SULF2: variants seen among roughly 807,000 people sequenced by gnomAD.
The protein encoded by SULF2 is extracellular sulfatase Sulf-2.
Under a neutral mutation model 107.7 loss-of-function variants are expected in SULF2, and 52 were observed. The observed-to-expected ratio is 0.48, with a 90% CI of 0.39 to 0.61. The LOEUF is 0.61. Ranked by LOEUF, SULF2 falls within the 20% of genes least tolerant of loss-of-function variation. SULF2 has a pLI of 0.00. For missense variants in SULF2, 993 were observed against 1,177.3 expected (o/e 0.84, Z 2.29); for synonymous variants, 460 against 464.3 (o/e 0.99, Z 0.12).
intron 1 of SULF2, among the ~76,000 whole-genome samples, chr20:47,776,702 G>A (rs1360488042): frequency 6.6e-6 from 1 of 152,174 alleles, no homozygotes; most frequent in Admixed American, 6.5e-5. Context: ...GAAGTGGAGG[G>A]TTCCACCAGC....
At chr20:47,688,615 G>C (rs1467559994) in intron 5 of SULF2, among the ~76,000 whole-genome samples, 1 of 152,172 alleles carries the variant, frequency 6.6e-6, no homozygotes, top group East Asian at 1.9e-4. Context: ...GGTAGGGCGG[G>C]GTGCCGGCTG....
chr20:47,735,843 C>T lies in SULF2; in HGVS notation c.415+860G>A, dbSNP rs548372889. Among the ~76,000 whole-genome samples, 6 of 152,220 alleles carry T rather than the reference C, an allele frequency of 3.9e-5. No individual in the cohort carries two copies. In the South Asian group the frequency reaches 8.3e-4, roughly 21 times the overall value. On this transcript the variant is annotated intron_variant, in intron 3 of 20. Transcript: ENST00000688720. ...CTCGAGGGCTGCAGGTCCAGCACTG[C>T]GGACAGGGCTGGAGGAGGAGTCCAT... is the stretch of plus-strand genomic sequence containing the variant.
chr20:47,726,517 T>C (rs4810669), intron 3 of SULF2, among the ~76,000 whole-genome samples: 14,877 of 152,292 alleles, frequency 0.098, 819 homozygotes, highest in South Asian at 0.12. Flanking sequence ...TCTATTCTCC[T>C]GCTGTCCAAG....
At chr20:47,663,774 C>T in intron 15 of SULF2, 152 bp from the exon 16 acceptor site, 1 of 924,170 alleles carries the variant, frequency 1.1e-6, no homozygotes, top group Non-Finnish European at 1.6e-6. Context: ...CCCAGTGCTG[C>T]TCCAAGGCAG....
intron 3 of SULF2, among the ~76,000 whole-genome samples, chr20:47,712,199 G>A (rs2088956071): frequency 6.6e-6 from 1 of 152,216 alleles, no homozygotes; most frequent in Non-Finnish European, 1.5e-5. Context: ...AATGGCCAGA[G>A]GGCCCTTCTG....
In SULF2 at chr20:47,666,091, T is replaced by C. The variant is rs1486184540; in HGVS notation, c.1806-138A>G. On this transcript the variant is annotated intron_variant, in intron 12 of 20. Transcript: ENST00000688720. The surrounding 1 kb of genome is among the most constrained non-coding windows in gnomAD (Gnocchi z 5.4). ...CGACTTCCACCTGGACACTCACCGATGTGTCACTTTAATGGGGTTGGCGGC... is the reference window on the plus strand; with the variant it reads ...CGACTTCCACCTGGACACTCACCGACGTGTCACTTTAATGGGGTTGGCGGC... 3.1e-6 allele frequency: 5 copies of C among 1,605,468 alleles called. No individual in the cohort carries two copies. The highest frequency in any genetic ancestry group is 3.4e-6 in the Non-Finnish European group (4 of 1,172,884).
rs73312170 is a variant in SULF2 at position 47,663,732 on chromosome 20, A to C, written c.2058-110T>G. On this transcript the variant is annotated intron_variant, in intron 15 of 20. Coordinates refer to ENST00000688720, the MANE Select transcript of SULF2 (RefSeq NM_001387048.1). ...CTTCGCTGAGGCTTCTCCAACAGAG[A>C]GCCATGGGCATAGCAATTCAGGGTC... is the stretch of plus-strand genomic sequence containing the variant. 4.6e-3 allele frequency: 5,858 copies of C among 1,266,846 alleles called. 221 individuals are homozygous for C. The African/African-American group carries it at 0.077, about 17-fold the overall frequency. The allele number at this position is 1,266,846 out of a possible 1,614,324, so 78.5% of individuals were successfully genotyped here.
At chr20:47,676,387 G>A (rs1005061000) in intron 10 of SULF2, 107 bp downstream of exon 10, 6 of 1,306,372 alleles carry the variant, frequency 4.6e-6, no homozygotes, top group East Asian at 2.4e-5. Flanking sequence ...AGGACTACCC[G>A]TTGGGAGGCC....
At chr20:47,779,198 C>T (rs899224846) in intron 1 of SULF2, among the ~76,000 whole-genome samples, 2 of 152,176 alleles carry the variant, frequency 1.3e-5, no homozygotes, top group East Asian at 1.9e-4. Flanking sequence ...GGGGTCATCC[C>T]GTACATTGCA....
At chr20:47,777,538 A>G (rs1484033461) in intron 1 of SULF2, among the ~76,000 whole-genome samples, 1 of 151,792 alleles carries the variant, frequency 6.6e-6, no homozygotes, top group East Asian at 1.9e-4. Context: ...CAGCGCCTGG[A>G]CTCCCCTGCT....
At position 47,665,239 on chromosome 20, in the gene SULF2, T is replaced by C; in HGVS notation, c.1957A>G (p.Lys653Glu). 2 of 1,614,142 alleles carry C rather than the reference T, an allele frequency of 1.2e-6. No homozygotes were observed. The highest frequency in any genetic ancestry group is 1.7e-6 in the Non-Finnish European group (2 of 1,179,976). The change falls in exon 14 of 21, where the codon AAG becomes GAG. Residue 653 changes from lysine (K) to glutamate (E), a missense_variant. This residue lies in a region of SULF2 where 497 missense variants were observed against 544.1 expected (regional missense o/e 0.91). Coordinates refer to ENST00000688720, the MANE Select transcript of SULF2 (RefSeq NM_001387048.1). The stretch of plus-strand genomic sequence containing the variant: ...TCACATTCTTCTGGCCGCTTTTTCT[T>C]CAGGTGACCTCGGACTTCCCTCAGG... Reference protein sequence around the residue: ...KNLREVRGHLKKKRPEECDCH... With the variant: ...KNLREVRGHLEKKRPEECDCH...
chr20:47,708,342 G>A (rs2088815779), intron 3 of SULF2, among the ~76,000 whole-genome samples: 1 of 152,162 alleles, frequency 6.6e-6, no homozygotes, highest in African/African-American at 2.4e-5. Context: ...GTACAAACGT[G>A]GGGGCATCGC....
chr20:47,711,646 T>C (rs897380636), intron 3 of SULF2, among the ~76,000 whole-genome samples: 24 of 152,090 alleles, frequency 1.6e-4, no homozygotes, highest in Non-Finnish European at 3.1e-4. Flanking sequence ...TCTCTAAGAG[T>C]CCAAATGTTC....
At chr20:47,760,485 C>A (rs374509791) in intron 1 of SULF2, among the ~76,000 whole-genome samples, 5 of 152,276 alleles carry the variant, frequency 3.3e-5, no homozygotes, top group East Asian at 3.9e-4. Context: ...CATCAAGTCT[C>A]GGGAAAGTAA....
chr20:47,736,923 G>C lies in SULF2; in HGVS notation c.195C>G (p.Asn65Lys), dbSNP rs2089747338. The change falls in exon 3 of 21, where the codon AAC (asparagine) becomes AAG (lysine). Residue 65 changes from asparagine to lysine, a missense_variant. Transcript: ENST00000688720. ...DVELGSMQVM[N>K]KTRRIMEQGG... ...CCTGCTCCATGATGCGCCGGGTCTT[G>C]TTCATCACCTGCATGGAACCTGCAA... 1 of 1,614,094 alleles carries C rather than the reference G, an allele frequency of 6.2e-7. No homozygotes were observed. Among genetic ancestry groups the C allele is most frequent in the African/African-American group, 1.3e-5 (1 of 74,948 alleles).
At position 47,672,274 on chromosome 20, in the gene SULF2, GC is replaced by G; in HGVS notation, c.1499del (p.Gly500AlafsTer52). 1 of 1,613,558 alleles carries G rather than the reference GC, an allele frequency of 6.2e-7. No homozygotes were observed. ...SNLVPKYYGQ[G>X]SEACTCDSGD... Reference sequence around the variant, plus strand: ...CGCTGTCACAGGTGCAGGCCTCGCTGCCCTGCCCGTAGTACTTGGGCACGAG... The same window carrying G: ...CGCTGTCACAGGTGCAGGCCTCGCTGCCTGCCCGTAGTACTTGGGCACGAG... On this transcript the variant is annotated frameshift_variant, in exon 11 of 21. Coordinates refer to ENST00000688720, the MANE Select transcript of SULF2 (RefSeq NM_001387048.1). LOFTEE classifies it high-confidence loss of function.
In SULF2 at chr20:47,663,467, G is replaced by T. The variant is rs768084550; in HGVS notation, c.2213C>A (p.Ala738Glu). The change falls in exon 16 of 21, where the codon GCG becomes GAG. Residue 738 changes from alanine to glutamate, a missense_variant. By Grantham distance (107) the Ala-to-Glu change is moderately radical. This residue lies in a region of SULF2 where 497 missense variants were observed against 544.1 expected (regional missense o/e 0.91). Coordinates refer to ENST00000688720, the MANE Select transcript of SULF2 (RefSeq NM_001387048.1). Reference sequence around the variant, plus strand: ...GGCTTGCTCACGTGTCCAGAAAGGCGCCGTCTGCCAGTGCTGGTTGTCGTG... The same window carrying T: ...GGCTTGCTCACGTGTCCAGAAAGGCTCCGTCTGCCAGTGCTGGTTGTCGTG... ...FTHDNQHWQT[A>E]PFWTLGPFCA... 2.5e-6 allele frequency: 4 copies of T among 1,609,284 alleles called. No individual in the cohort carries two copies. In the East Asian group the frequency reaches 8.9e-5, roughly 36 times the overall value.
At chr20:47,745,424 T>C (rs866727647) in intron 2 of SULF2, among the ~76,000 whole-genome samples, 1 of 4,928 alleles carries the variant, frequency 2.0e-4, no homozygotes, top group African/African-American at 6.7e-4. Context: ...TATATATATA[T>C]ATATATATAT....
At chr20:47,746,978 TA>T (rs1555853776) in intron 2 of SULF2, among the ~76,000 whole-genome samples, 8 of 51,202 alleles carry the variant, frequency 1.6e-4, no homozygotes, top group African/African-American at 5.5e-4. Flanking sequence ...AGAACTTAAA[TA>T]AATAAAAAAA....
Sources: gnomAD v4.1 joint callset for allele counts (sites outside exome capture counted in the v4.1 genomes callset) on GRCh38, gnomAD v4.1.1 for gene constraint, gnomAD v4.1.1 regional missense constraint, Gnocchi (gnomAD v3.1) non-coding constraint, MANE v1.5 for transcripts, NCBI Gene and HGNC (gene_info 2026-07-23, HGNC 2026-07-21) for gene names.